DAZAP2: variants seen among roughly 807,000 people sequenced by gnomAD.
The protein encoded by DAZAP2 is DAZ-associated protein 2.
Under a neutral mutation model 16.2 loss-of-function variants are expected in DAZAP2, and 3 were observed. The observed-to-expected ratio is 0.19, with a 90% CI of 0.08 to 0.48. DAZAP2 has a LOEUF of 0.48. Ranked by LOEUF, DAZAP2 falls within the 20% of genes least tolerant of loss-of-function variation. DAZAP2 has a pLI of 0.98. For missense variants in DAZAP2, 172 were observed against 215.9 expected (o/e 0.80, Z 1.27); for synonymous variants, 69 against 77.6 (o/e 0.89, Z 0.58).
At position 51,242,721 on chromosome 12, in the gene DAZAP2, C is replaced by T; in HGVS notation, c.*263C>T. 1 of 1,468,546 alleles carries T rather than the reference C, an allele frequency of 6.8e-7. No homozygotes were observed. The highest frequency in any genetic ancestry group is 9.0e-7 in the Non-Finnish European group (1 of 1,113,726). 91.0% of individuals were successfully genotyped at this position (1,468,546 alleles called of 1,614,324 possible). A position where few individuals can be genotyped will look rare whatever the true frequency, so the allele number is the denominator to read the frequency against. ...GGGTGAAGCCGCCCTAAGGATTTTC[C>T]TTTAATTTCTCTGGAGTAATACTGT... On this transcript the variant is annotated 3_prime_UTR_variant, in exon 4 of 4. Coordinates refer to ENST00000412716, the MANE Select transcript of DAZAP2 (RefSeq NM_014764.4).
chr12:51,246,460 C>T (rs1592230348), downstream of DAZAP2: 2 of 426,710 alleles, frequency 4.7e-6, no homozygotes. Context: ...CCCCCTCTTC[C>T]TCACCCACTC....
In DAZAP2 at chr12:51,242,762, G is replaced by T; in HGVS notation, c.*304G>T. On this transcript the variant is annotated 3_prime_UTR_variant, in exon 4 of 4. Transcript: ENST00000412716. ...GTAATACTGTACCATACTGGTCTTT[G>T]CTTTTAGTAATAAAACATCAAATTA... 1 of 1,409,338 alleles carries T rather than the reference G, an allele frequency of 7.1e-7. No homozygotes were observed. The highest frequency in any genetic ancestry group is 9.2e-7 in the Non-Finnish European group (1 of 1,086,758). 87.3% of individuals were successfully genotyped at this position (1,409,338 alleles called of 1,614,324 possible).
At chr12:51,244,241 C>T (rs775807676), downstream of DAZAP2, among the ~76,000 whole-genome samples, 6 of 152,146 alleles carry the variant, frequency 3.9e-5, no homozygotes, top group Non-Finnish European at 7.3e-5. Flanking sequence ...CTCTGTCACC[C>T]GGGCTGGAGT....
Position 51,240,422 on chromosome 12 carries a change from G to A in DAZAP2, c.93G>A (p.Gln31=). ...PVYPQTLHLP[Q]APPYTDAPPA... ...ACCCTCAGACCTTGCATCTTCCTCA[G>A]GCTCCACCCTATACCGATGCTCCAC... Residue 31 remains glutamine (Q), a synonymous_variant, in exon 2 of 4, where the codon CAG becomes CAA. Coordinates refer to ENST00000412716, the MANE Select transcript of DAZAP2 (RefSeq NM_014764.4). The A allele has an allele frequency of 1.2e-6, 2 of 1,614,032 alleles. No homozygotes were observed. Among genetic ancestry groups the A allele is most frequent in the Non-Finnish European group, 1.7e-6 (2 of 1,180,030 alleles).
chr12:51,239,414 AGT>A (rs1944621565), intron 1 of DAZAP2: 1 of 152,562 alleles, frequency 6.6e-6, no homozygotes, highest in African/African-American at 2.5e-5. Context: ...TGGTTGTACC[AGT>A]GTGTCTGTCG....
downstream of DAZAP2, chr12:51,246,528 A>G (rs1039671253): frequency 1.1e-5 from 5 of 460,550 alleles, no homozygotes; most frequent in African/African-American, 4.0e-5. Flanking sequence ...GTCCGTATGC[A>G]TATCTATTTG....
In DAZAP2 at chr12:51,243,732, T is replaced by A; in HGVS notation, c.*1274T>A. ...ACTTGTGGAATTTTTATACTAAAAATGTAGAATAAAGACTATTTTGAAGAT... is the reference window on the plus strand; with the variant it reads ...ACTTGTGGAATTTTTATACTAAAAAAGTAGAATAAAGACTATTTTGAAGAT... On this transcript the variant is annotated 3_prime_UTR_variant, in exon 4 of 4. Coordinates refer to ENST00000412716, the MANE Select transcript of DAZAP2 (RefSeq NM_014764.4). The A allele has an allele frequency of 1.0e-6, 1 of 985,662 alleles. No homozygotes were observed. Among genetic ancestry groups the A allele is most frequent in the Non-Finnish European group, 1.2e-6 (1 of 829,742 alleles). The allele number at this position is 985,662 out of a possible 1,614,324, so 61.1% of individuals were successfully genotyped here.
chr12:51,246,036 C>T (rs761700365), downstream of DAZAP2: 9 of 1,613,814 alleles, frequency 5.6e-6, no homozygotes, highest in East Asian at 2.2e-5. Flanking sequence ...TCATAGGTGA[C>T]GTAGCTGCCT....
Position 51,240,861 on chromosome 12 carries a change from C to CCTCTTCTAG in DAZAP2, c.133-5_136dup. ...AAGTAACATTTTGCCTTCTCTTCTG[C>CCTCTTCTAG]CTCTTCTAGCTCTATCGTCCGAGCT... On this transcript the variant is annotated splice_polypyrimidine_tract_variant and intron_variant, in intron 2 of 3. Coordinates refer to ENST00000412716, the MANE Select transcript of DAZAP2 (RefSeq NM_014764.4). 1 of 1,609,706 alleles carries CCTCTTCTAG rather than the reference C, an allele frequency of 6.2e-7. No individual in the cohort carries two copies. The highest frequency in any genetic ancestry group is 8.5e-7 in the Non-Finnish European group (1 of 1,176,580).
chr12:51,243,149 G>A lies in DAZAP2; in HGVS notation c.*691G>A. The A allele has an allele frequency of 1.0e-6, 1 of 986,042 alleles. No individual in the cohort carries two copies. Among genetic ancestry groups the A allele is most frequent in the Non-Finnish European group, 1.2e-6 (1 of 830,220 alleles). The allele number at this position is 986,042 out of a possible 1,614,324, so 61.1% of individuals were successfully genotyped here. ...TTACTTCTGCTTTCGTATCTCCTCA[G>A]GCAAAAGTGGAGGGTGCCTTATGGG... is the stretch of plus-strand genomic sequence containing the variant. On this transcript the variant is annotated 3_prime_UTR_variant, in exon 4 of 4. Transcript: ENST00000412716.
chr12:51,245,934 G>T, downstream of DAZAP2: 1 of 1,611,288 alleles, frequency 6.2e-7, no homozygotes, highest in Non-Finnish European at 8.5e-7. Flanking sequence ...TTGGGGCCTG[G>T]GAGTCATTAG....
rs760873231 is a variant in DAZAP2, at chr12:51,242,749, C to T, written c.*291C>T. 4.2e-6 allele frequency: 6 copies of T among 1,425,038 alleles called. No homozygotes were observed. In the Admixed American group the frequency reaches 9.3e-5, roughly 22 times the overall value. The allele number at this position is 1,425,038 out of a possible 1,614,324, so 88.3% of individuals were successfully genotyped here. The stretch of plus-strand genomic sequence containing the variant: ...TAATTTCTCTGGAGTAATACTGTAC[C>T]ATACTGGTCTTTGCTTTTAGTAATA... On this transcript the variant is annotated 3_prime_UTR_variant, in exon 4 of 4. Coordinates refer to ENST00000412716, the MANE Select transcript of DAZAP2 (RefSeq NM_014764.4).
rs2137288392 is a variant in DAZAP2 at position 51,243,335 on chromosome 12, CTTGA to C, written c.*883_*886del. ...CAAGGAGGAGGATGCATTTCAAAAG[CTTGA>C]TTGATGTGTTCAGAGCTAAATTAAG... On this transcript the variant is annotated 3_prime_UTR_variant, in exon 4 of 4. Transcript: ENST00000412716. 3 of 985,760 alleles carry C rather than the reference CTTGA, an allele frequency of 3.0e-6. No individual in the cohort carries two copies. The highest frequency in any genetic ancestry group is 9.4e-5 in the South Asian group (2 of 21,288). The allele number at this position is 985,760 out of a possible 1,614,324, so 61.1% of individuals were successfully genotyped here.
chr12:51,238,970 G>T, intron 1 of DAZAP2, 50 bp downstream of exon 1: 2 of 1,607,922 alleles, frequency 1.2e-6, no homozygotes, highest in Non-Finnish European at 1.7e-6. Flanking sequence ...TGCTGGCCCA[G>T]AGCGAGCGGA....
intron 1 of DAZAP2, chr12:51,240,104 C>T (rs1157494709): frequency 2.7e-5 from 14 of 516,974 alleles, no homozygotes; most frequent in Non-Finnish European, 4.6e-5. Context: ...CCCCTTACTT[C>T]GGTATGTTAG....
At chr12:51,246,124 G>T (rs747673708), downstream of DAZAP2, 3 of 1,613,680 alleles carry the variant, frequency 1.9e-6, no homozygotes, top group Non-Finnish European at 2.5e-6. Flanking sequence ...TAACAACTTG[G>T]AAAGGAGAGG....
downstream of DAZAP2, chr12:51,245,958 C>T: frequency 6.2e-7 from 1 of 1,613,652 alleles, no homozygotes; most frequent in Non-Finnish European, 8.5e-7. Context: ...AAATATTCCT[C>T]TTTCTCGCTG....
Position 51,242,788 on chromosome 12 carries a change from G to T in DAZAP2, c.*330G>T. On this transcript the variant is annotated 3_prime_UTR_variant, in exon 4 of 4. Transcript: ENST00000412716. ...CTTTTAGTAATAAAACATCAAATTA[G>T]GTTTGGAGGGAACTTTGATCTTCCT... 2 of 1,401,080 alleles carry T rather than the reference G, an allele frequency of 1.4e-6. No homozygotes were observed. The highest frequency in any genetic ancestry group is 1.8e-6 in the Non-Finnish European group (2 of 1,084,404). 86.8% of individuals were successfully genotyped at this position (1,401,080 alleles called of 1,614,324 possible). A position where few individuals can be genotyped will look rare whatever the true frequency, so the allele number is the denominator to read the frequency against.
At chr12:51,246,628 G>GTGTGTA, downstream of DAZAP2, 1 of 604,220 alleles carries the variant, frequency 1.7e-6, no homozygotes, top group South Asian at 2.4e-5. Flanking sequence ...GTGTGTGTGT[G>GTGTGTA]TGTGTGTGTG....
Sources: allele counts gnomAD v4.1 joint callset (sites outside exome capture counted in the v4.1 genomes callset), GRCh38; gene constraint gnomAD v4.1.1; transcripts MANE v1.5; gene names NCBI Gene and HGNC (gene_info 2026-07-23, HGNC 2026-07-21).